EXD3: variants seen among roughly 807,000 people sequenced by gnomAD.
EXD3 encodes exonuclease 3'-5' domain containing 3, also known as exonuclease mut-7 homolog.
In EXD3, 92 loss-of-function variants were observed where a neutral mutation model predicts 98.0. The observed-to-expected ratio is 0.94, with a 90% CI of 0.79 to 1.12. The LOEUF (loss-of-function observed/expected upper bound fraction) is 1.12, where lower values mean the gene tolerates loss of function less well. Ranked by LOEUF, EXD3 falls within the 50% of genes most tolerant of loss-of-function variation. The pLI, the probability that EXD3 is intolerant of heterozygous loss-of-function variation, is 0.00. For synonymous variants in EXD3, 569 were observed against 526.0 expected (o/e 1.08, Z -1.12); for missense variants, 1,222 against 1,191.6 (o/e 1.03, Z -0.38).
chr9:137,325,187 T>A (rs148128371), intron 17 of EXD3, among the ~76,000 whole-genome samples: 70 of 152,284 alleles, frequency 4.6e-4, no homozygotes, highest in African/African-American at 1.6e-3. Flanking sequence ...CATTTTACAC[T>A]AAAAGGAGCC....
intron 1 of EXD3, among the ~76,000 whole-genome samples, chr9:137,400,764 CA>C (rs556834772): frequency 0.095 from 12,125 of 127,696 alleles, 686 homozygotes; most frequent in Admixed American, 0.2. Context: ...GACTCCATCT[CA>C]AAAAAAAAAA....
At chr9:137,379,022 G>A (rs1235054806) in intron 3 of EXD3, among the ~76,000 whole-genome samples, 3 of 121,438 alleles carry the variant, frequency 2.5e-5, no homozygotes, top group African/African-American at 3.4e-5. Flanking sequence ...CGTGGGTGAC[G>A]GTGACCGTTG....
chr9:137,339,074 T>A (rs1320369057), intron 17 of EXD3, among the ~76,000 whole-genome samples: 1 of 152,012 alleles, frequency 6.6e-6, no homozygotes, highest in East Asian at 1.9e-4. Flanking sequence ...TCGGATTAAA[T>A]GGACACATTC....
chr9:137,334,839 A>C (rs1354884320), intron 17 of EXD3, among the ~76,000 whole-genome samples: 1 of 152,228 alleles, frequency 6.6e-6, no homozygotes, highest in Non-Finnish European at 1.5e-5. Context: ...GCACTTTGGG[A>C]GGCCGAGGCG....
At chr9:137,409,238 G>A (rs1481147000) in intron 1 of EXD3, among the ~76,000 whole-genome samples, 1 of 152,204 alleles carries the variant, frequency 6.6e-6, no homozygotes, top group Admixed American at 6.5e-5. Context: ...CCTCACCATG[G>A]CTGCCCCGAG....
chr9:137,422,090 C>T (rs1838547655), intron 1 of EXD3, among the ~76,000 whole-genome samples: 1 of 146,522 alleles, frequency 6.8e-6, no homozygotes, highest in Non-Finnish European at 1.5e-5. Flanking sequence ...TAATGCCATT[C>T]CAATTCAGTT....
At chr9:137,365,752 A>C in intron 7 of EXD3, 1 of 324,400 alleles carries the variant, frequency 3.1e-6, no homozygotes, top group South Asian at 2.5e-5. Flanking sequence ...ACACACATAC[A>C]TGCACACACA....
intron 19 of EXD3, among the ~76,000 whole-genome samples, chr9:137,321,036 C>T (rs948477726): frequency 6.6e-6 from 1 of 152,184 alleles, no homozygotes; most frequent in Non-Finnish European, 1.5e-5. Context: ...CCCCGCAGGG[C>T]AGTGGGGTCA....
At chr9:137,402,912 A>AC (rs928645916) in intron 1 of EXD3, among the ~76,000 whole-genome samples, 12 of 152,260 alleles carry the variant, frequency 7.9e-5, no homozygotes, top group South Asian at 4.2e-4. Context: ...AAAAGTGGAA[A>AC]CCCTGATAAA....
intron 10 of EXD3, chr9:137,353,023 C>T (rs1442182592): frequency 3.0e-5 from 41 of 1,349,508 alleles, no homozygotes; most frequent in Non-Finnish European, 2.8e-5. Context: ...AGTGTAGCCC[C>T]GGCTGGCCTT....
At chr9:137,355,506 AG>A (rs754566578) in intron 8 of EXD3, among the ~76,000 whole-genome samples, 3 of 80,622 alleles carry the variant, frequency 3.7e-5, no homozygotes, top group African/African-American at 1.1e-4. Context: ...GGAAGGAGGA[AG>A]GAGGAAGGAG....
intron 2 of EXD3, among the ~76,000 whole-genome samples, chr9:137,384,274 G>T (rs1178495762): frequency 2.0e-5 from 3 of 152,202 alleles, no homozygotes; most frequent in Admixed American, 2.0e-4. Context: ...TGCCACACAC[G>T]CCAGAGAAGC....
At chr9:137,316,816 C>A (rs906225470) in intron 19 of EXD3, among the ~76,000 whole-genome samples, 1 of 152,192 alleles carries the variant, frequency 6.6e-6, no homozygotes, top group Non-Finnish European at 1.5e-5. Context: ...CTGGGAGCCC[C>A]GCCCCGCACA....
chr9:137,317,917 C>A (rs1831780579), intron 19 of EXD3, among the ~76,000 whole-genome samples: 1 of 152,192 alleles, frequency 6.6e-6, no homozygotes, highest in South Asian at 2.1e-4. Flanking sequence ...ACCCTCTGTG[C>A]CTGTGTGACA....
chr9:137,365,969 C>A, intron 7 of EXD3: 1 of 523,728 alleles, frequency 1.9e-6, no homozygotes, highest in South Asian at 1.6e-5. Context: ...ATCACGTGCA[C>A]ACACAGAGAC....
At chr9:137,366,223 A>G in intron 7 of EXD3, 1 of 703,192 alleles carries the variant, frequency 1.4e-6, no homozygotes, top group South Asian at 1.5e-5. Flanking sequence ...TGCCTGCATG[A>G]GAAGAGCCAC....
rs544400133 is a variant in EXD3, at chr9:137,402,680, G to A, written c.-47-7276C>T. 5.3e-5 allele frequency among the ~76,000 whole-genome samples: 8 copies of A among 152,154 alleles called. No individual in the cohort carries two copies. The South Asian group carries it at 8.3e-4, about 16-fold the overall frequency. ...TCTGCCTGTTACCCAGTTCCAAGTC[G>A]CTTCCACATTTTTGGGTATCTTTTC... On this transcript the variant is annotated intron_variant, in intron 1 of 21. Coordinates refer to ENST00000340951, the MANE Select transcript of EXD3 (RefSeq NM_017820.5).
At chr9:137,369,996 A>T (rs1835508212) in intron 5 of EXD3, among the ~76,000 whole-genome samples, 1 of 152,086 alleles carries the variant, frequency 6.6e-6, no homozygotes, top group Non-Finnish European at 1.5e-5. Context: ...TTGTACCCGG[A>T]GCCCAGTGGG....
At position 137,388,218 on chromosome 9, in the gene EXD3, C is replaced by T. The variant is rs1836707127; in HGVS notation, c.56-4841G>A. On this transcript the variant is annotated intron_variant, in intron 2 of 21. Transcript: ENST00000340951. Reference sequence around the variant, plus strand: ...CCACACTGGCTTCCCCCCCAGCCACCCTCCCCAAAACGTGCCTGGGAGGGC... The same window carrying T: ...CCACACTGGCTTCCCCCCCAGCCACTCTCCCCAAAACGTGCCTGGGAGGGC... Among the ~76,000 whole-genome samples, 8 of 152,278 alleles carry T rather than the reference C, an allele frequency of 5.3e-5. No homozygotes were observed. In the South Asian group the frequency reaches 1.7e-3, roughly 32 times the overall value.
Sources: gnomAD v4.1 joint callset for allele counts (sites outside exome capture counted in the v4.1 genomes callset) on GRCh38, gnomAD v4.1.1 for gene constraint, MANE v1.5 for transcripts, NCBI Gene and HGNC (gene_info 2026-07-23, HGNC 2026-07-21) for gene names.